Variants in UBR3 observed in about 807,000 individuals in gnomAD.
The protein encoded by UBR3 is ubiquitin protein ligase E3 component n-recognin 3.
A neutral mutation model predicts 243.2 loss-of-function variants in UBR3; 85 were observed. That is an observed-to-expected ratio of 0.35 (90% CI 0.29 to 0.42). The LOEUF (loss-of-function observed/expected upper bound fraction) is 0.42, where lower values mean the gene tolerates loss of function less well. UBR3 is among the 10% of genes least tolerant of loss of function. The pLI, the probability that UBR3 is intolerant of heterozygous loss-of-function variation, is 1.00. For synonymous variants in UBR3, 748 were observed against 799.8 expected (o/e 0.94, Z 1.09); for missense variants, 1,686 against 2,300.8 (o/e 0.73, Z 5.47).
intron 1 of UBR3, among the ~76,000 whole-genome samples, chr2:169,870,852 C>A (rs1049440113): frequency 6.6e-6 from 1 of 151,840 alleles, no homozygotes; most frequent in Non-Finnish European, 1.5e-5. Context: ...TGGGGTTTTG[C>A]CATGTTGGCC....
At chr2:170,056,881 T>C (rs927560840) in intron 33 of UBR3, among the ~76,000 whole-genome samples, 2 of 152,126 alleles carry the variant, frequency 1.3e-5, no homozygotes, top group African/African-American at 4.8e-5. Flanking sequence ...ACAAGGCCAA[T>C]CTCCTGCTAC....
At chr2:169,959,534 A>T (rs545093176) in intron 24 of UBR3, among the ~76,000 whole-genome samples, 27 of 151,666 alleles carry the variant, frequency 1.8e-4, no homozygotes, top group Admixed American at 1.6e-3. Context: ...GTTACTGGAG[A>T]GCTATGAAGT....
At chr2:169,839,808 G>C (rs2082233752) in intron 1 of UBR3, among the ~76,000 whole-genome samples, 1 of 152,210 alleles carries the variant, frequency 6.6e-6, no homozygotes, top group South Asian at 2.1e-4. Flanking sequence ...TAAATCTTAA[G>C]GCTTGAGAAT....
chr2:170,021,116 A>G (rs896771366), intron 30 of UBR3, among the ~76,000 whole-genome samples: 2 of 152,168 alleles, frequency 1.3e-5, no homozygotes, highest in Admixed American at 6.6e-5. Flanking sequence ...TTAATACCCA[A>G]TCAGAGGATT....
At chr2:170,048,496 A>G (rs1164320616) in intron 32 of UBR3, among the ~76,000 whole-genome samples, 4 of 152,146 alleles carry the variant, frequency 2.6e-5, no homozygotes, top group African/African-American at 7.2e-5. Context: ...AGCTTATTGA[A>G]CGTGTACACT....
chr2:169,931,500 C>T (rs762110952), intron 18 of UBR3, among the ~76,000 whole-genome samples: 1 of 151,622 alleles, frequency 6.6e-6, no homozygotes, highest in Admixed American at 6.6e-5. Flanking sequence ...CAGTGGTTAA[C>T]AATGGTTAAC....
intron 35 of UBR3, 61 bp downstream of exon 35, chr2:170,061,504 G>A: frequency 3.2e-6 from 5 of 1,584,360 alleles, no homozygotes; most frequent in Non-Finnish European, 4.3e-6. Flanking sequence ...GTCTCTCTCT[G>A]TTGCCCAGAC....
chr2:169,968,021 C>G (rs1357594119), intron 24 of UBR3, among the ~76,000 whole-genome samples: 2 of 151,860 alleles, frequency 1.3e-5, no homozygotes, highest in Non-Finnish European at 2.9e-5. Context: ...TCCAGGAGAT[C>G]CTACCATGCA....
chr2:170,049,819 C>T (rs1416786676), intron 32 of UBR3, among the ~76,000 whole-genome samples: 1 of 152,172 alleles, frequency 6.6e-6, no homozygotes. Flanking sequence ...ACTAGCAGCA[C>T]TATCTATCCT....
chr2:169,990,743 A>ACACGCG (rs1553527048), intron 25 of UBR3, among the ~76,000 whole-genome samples: 1 of 148,450 alleles, frequency 6.7e-6, no homozygotes, highest in African/African-American at 2.5e-5. Flanking sequence ...ACACACACAC[A>ACACGCG]CACACATAAA....
At chr2:169,868,979 C>T (rs929653900) in intron 1 of UBR3, among the ~76,000 whole-genome samples, 1 of 152,072 alleles carries the variant, frequency 6.6e-6, no homozygotes, top group Non-Finnish European at 1.5e-5. Flanking sequence ...GTCAGTTGTC[C>T]TGTATAATGT....
In UBR3 at chr2:170,012,086, G is replaced by A. The variant is rs146043770; in HGVS notation, c.4367+3146G>A. Among the ~76,000 whole-genome samples, 442 of 152,088 alleles carry A rather than the reference G, an allele frequency of 2.9e-3. 2 individuals are homozygous for A. The highest frequency in any genetic ancestry group is 0.01 in the African/African-American group (417 of 41,508). ...GTGGAGAGACATCTTTAAATGGTGG[G>A]TACTCAATAGAGTGAATGTACCTTC... On this transcript the variant is annotated intron_variant, in intron 29 of 38. Coordinates refer to ENST00000272793, the MANE Select transcript of UBR3 (RefSeq NM_172070.4).
At chr2:170,010,106 A>G (rs910417155) in intron 29 of UBR3, among the ~76,000 whole-genome samples, 5 of 152,212 alleles carry the variant, frequency 3.3e-5, no homozygotes, top group Non-Finnish European at 7.4e-5. Flanking sequence ...TTTGTAGTCT[A>G]TATATTCCTA....
intron 25 of UBR3, among the ~76,000 whole-genome samples, chr2:169,991,485 T>C (rs879604108): frequency 5.3e-5 from 8 of 152,194 alleles, no homozygotes; most frequent in Non-Finnish European, 1.2e-4. Context: ...TTCAAAAAAT[T>C]GTCTGTGGTC....
intron 35 of UBR3, among the ~76,000 whole-genome samples, chr2:170,061,691 C>T (rs961237607): frequency 6.6e-6 from 1 of 152,208 alleles, no homozygotes; most frequent in African/African-American, 2.4e-5. Context: ...TGGTCTCAAA[C>T]TCCTGACCTC....
intron 1 of UBR3, among the ~76,000 whole-genome samples, chr2:169,865,256 TC>T (rs906910322): frequency 1.3e-5 from 2 of 152,204 alleles, no homozygotes; most frequent in African/African-American, 4.8e-5. Flanking sequence ...CAGGCAATCT[TC>T]CTGCCTTGAA....
intron 20 of UBR3, among the ~76,000 whole-genome samples, chr2:169,942,849 A>G (rs997408709): frequency 9.9e-5 from 15 of 152,248 alleles, no homozygotes; most frequent in African/African-American, 3.4e-4. Context: ...TATTTATCTT[A>G]TCTAGCTACC....
chr2:169,935,672 A>C (rs1251123993), intron 19 of UBR3, among the ~76,000 whole-genome samples: 1 of 152,168 alleles, frequency 6.6e-6, no homozygotes, highest in Non-Finnish European at 1.5e-5. Context: ...ATGATGTATG[A>C]GTTTATATAT....
At position 169,827,471 on chromosome 2, in the gene UBR3, C is replaced by T. The variant is rs566104238; in HGVS notation, c.-37C>T. 39 of 1,220,724 alleles carry T rather than the reference C, an allele frequency of 3.2e-5. No homozygotes were observed. The South Asian group carries it at 1.3e-3, about 41-fold the overall frequency. The allele number at this position is 1,220,724 out of a possible 1,614,324, so 75.6% of individuals were successfully genotyped here. ...ATTCCCTCACTCTCCCTGGAGGAGC[C>T]GCTGGCCCTGGACTCTCCAAATTCT... On this transcript the variant is annotated 5_prime_UTR_variant, in exon 1 of 39. Transcript: ENST00000272793.
Sources: allele counts gnomAD v4.1 joint callset (sites outside exome capture counted in the v4.1 genomes callset), GRCh38; gene constraint gnomAD v4.1.1; transcripts MANE v1.5; gene names NCBI Gene and HGNC (gene_info 2026-07-23, HGNC 2026-07-21).